TRRAP: variants seen among roughly 807,000 people sequenced by gnomAD.
The protein encoded by TRRAP is transformation/transcription domain associated protein.
Under a neutral mutation model 438.8 loss-of-function variants are expected in TRRAP, and 41 were observed. That is an observed-to-expected ratio of 0.09 (90% CI 0.07 to 0.12). The LOEUF is 0.12. Among genes scored for constraint, TRRAP ranks in the 10% least tolerant of loss-of-function variants. The pLI is 1.00. For missense variants in TRRAP, 3,122 were observed against 5,055.1 expected (o/e 0.62, Z 11.60); for synonymous variants, 1,994 against 1,962.9 (o/e 1.02, Z -0.42).
rs1554419915 is a variant in TRRAP at position 98,956,698 on chromosome 7, AG to A, written c.6231+169del. Among the ~76,000 whole-genome samples, 1 of 152,166 alleles carries A rather than the reference AG, an allele frequency of 6.6e-6. No homozygotes were observed. Among genetic ancestry groups the A allele is most frequent in the Non-Finnish European group, 1.5e-5 (1 of 68,024 alleles). On this transcript the variant is annotated intron_variant, in intron 43 of 72. Coordinates refer to ENST00000456197, the MANE Select transcript of TRRAP (RefSeq NM_001375524.1). This position sits in a 1 kb window ranked among gnomAD's most constrained non-coding sequence, Gnocchi z 4.5. ...AACTCCAGGACATGTCACTCATGCA[AG>A]GGGTTCCCAGGTCACCAGACATGCT...
In TRRAP at chr7:98,978,212, C is replaced by T; in HGVS notation, c.8387C>T (p.Ala2796Val). ...TTTAAAAACATTAACTTTTTTTAGG[C>T]ACAAGAATCCTATGAAAAGGCAATG... ...AYEQHGFFEQAQESYEKAMDK... is the reference protein window; with the variant it reads ...AYEQHGFFEQVQESYEKAMDK... The change falls in exon 57 of 73, where the codon GCA becomes GTA. Residue 2796 changes from alanine (A) to valine (V), a missense_variant and splice_region_variant. Coordinates refer to ENST00000456197, the MANE Select transcript of TRRAP (RefSeq NM_001375524.1). 1 of 1,610,384 alleles carries T rather than the reference C, an allele frequency of 6.2e-7. No individual in the cohort carries two copies. The highest frequency in any genetic ancestry group is 8.5e-7 in the Non-Finnish European group (1 of 1,178,450).
Position 99,012,417 on chromosome 7 carries a change from TACG to T in TRRAP, c.*65_*67del. ...CTCCGGGCTCTGAGCCCGCAGCTTT[TACG>T]ACTTCTCCCTGCCTCGTTCCTTATA... is the stretch of plus-strand genomic sequence containing the variant. On this transcript the variant is annotated 3_prime_UTR_variant, in exon 73 of 73. Transcript: ENST00000456197. This position sits in a 1 kb window ranked among gnomAD's most constrained non-coding sequence, Gnocchi z 5.9. 6.7e-7 allele frequency: 1 copy of T among 1,497,890 alleles called. No homozygotes were observed. 92.8% of individuals were successfully genotyped at this position (1,497,890 alleles called of 1,614,324 possible). A position where few individuals can be genotyped will look rare whatever the true frequency, so the allele number is the denominator to read the frequency against.
At chr7:98,901,439 A>G (rs1474014106) in intron 11 of TRRAP, among the ~76,000 whole-genome samples, 12 of 152,242 alleles carry the variant, frequency 7.9e-5, no homozygotes, top group African/African-American at 2.9e-4. Context: ...ATGCAGCTCA[A>G]TCCACAGCAG....
chr7:98,945,289 C>T (rs1554416525), intron 31 of TRRAP, among the ~76,000 whole-genome samples: 2 of 152,242 alleles, frequency 1.3e-5, no homozygotes, highest in Non-Finnish European at 1.5e-5. Flanking sequence ...GCTTACTTTA[C>T]ATGATAACCC....
Position 99,012,601 on chromosome 7 carries a change from AAAT to A in TRRAP, c.*250_*252del. The stretch of plus-strand genomic sequence containing the variant: ...AGCTGAAACTTATTCCAAGCTTTCA[AAAT>A]AATCTTTTAAGAAGCCAGGATTCTC... On this transcript the variant is annotated 3_prime_UTR_variant, in exon 73 of 73. Transcript: ENST00000456197. The surrounding 1 kb of genome is among the most constrained non-coding windows in gnomAD (Gnocchi z 5.9). 1.9e-6 allele frequency: 1 copy of A among 536,686 alleles called. No homozygotes were observed. The highest frequency in any genetic ancestry group is 3.2e-6 in the Non-Finnish European group (1 of 310,852). 33.2% of individuals were successfully genotyped at this position (536,686 alleles called of 1,614,324 possible).
chr7:98,927,880 G>A (rs1413329119), intron 23 of TRRAP, among the ~76,000 whole-genome samples: 1 of 152,158 alleles, frequency 6.6e-6, no homozygotes. Flanking sequence ...ACTCTTGGTG[G>A]TGAAGGGCCA....
At chr7:98,967,377 T>G (rs1562964032) in intron 50 of TRRAP, 108 bp from the exon 51 acceptor site, 2 of 1,384,546 alleles carry the variant, frequency 1.4e-6, no homozygotes, top group Non-Finnish European at 2.0e-6. Flanking sequence ...ACTCTTGGTT[T>G]TCATAGTGGC....
At chr7:98,903,350 A>G in intron 11 of TRRAP, 29 bp from the exon 12 acceptor site, 1 of 1,613,394 alleles carries the variant, frequency 6.2e-7, no homozygotes, top group Non-Finnish European at 8.5e-7. Context: ...CTATCCCTGT[A>G]ACTGTGTCAT....
chr7:98,916,955 C>T (rs2116443759), intron 19 of TRRAP, among the ~76,000 whole-genome samples: 1 of 152,252 alleles, frequency 6.6e-6, no homozygotes, highest in South Asian at 2.1e-4. Context: ...TTCTAGCCAG[C>T]CTCAGCTCTC....
Position 98,910,276 on chromosome 7 carries a change from T to G in TRRAP, c.1571T>G (p.Val524Gly), listed in dbSNP as rs1554408508. The G allele has an allele frequency of 7.8e-7, 1 of 1,284,950 alleles. No individual in the cohort carries two copies. Among genetic ancestry groups the G allele is most frequent in the African/African-American group, 2.0e-5 (1 of 50,850 alleles). 79.6% of individuals were successfully genotyped at this position (1,284,950 alleles called of 1,614,324 possible). A position where few individuals can be genotyped will look rare whatever the true frequency, so the allele number is the denominator to read the frequency against. The change falls in exon 15 of 73, where the codon GTG becomes GGG. Residue 524 changes from valine to glycine, a missense_variant. Val to Gly is a moderately radical substitution (Grantham distance 109). Transcript: ENST00000456197. The stretch of plus-strand genomic sequence containing the variant: ...GCCACCCCTGTGACCCCGGCCCCCG[T>G]GCCTCCCTTCGAGAAGCAAGGAGAA... ...PPATPVTPAP[V>G]PPFEKQGEKD...
Position 98,930,052 on chromosome 7 carries a change from A to C in TRRAP, c.3239A>C (p.Glu1080Ala), listed in dbSNP as rs1459626205. Residue 1080 changes from glutamate to alanine, a missense_variant, in exon 24 of 73, where the codon GAA becomes GCA. Physicochemically the swap from Glu to Ala is moderately radical, Grantham distance 107 (BLOSUM62 -1). This residue lies in a region of TRRAP where 54 missense variants were observed against 74.6 expected (regional missense o/e 0.72). Coordinates refer to ENST00000456197, the MANE Select transcript of TRRAP (RefSeq NM_001375524.1). ...SQPSTAMFHS[E>A]ENGSKGMDPL... is the part of the protein sequence containing the mutation. ...CCCAGCACAGCCATGTTTCACAGTG[A>C]AGAAAATGGCTCGAAAGGAATGGAT... The C allele has an allele frequency of 6.2e-7, 1 of 1,614,072 alleles. No individual in the cohort carries two copies. Among genetic ancestry groups the C allele is most frequent in the East Asian group, 2.2e-5 (1 of 44,892 alleles).
intron 14 of TRRAP, among the ~76,000 whole-genome samples, chr7:98,909,458 T>C (rs1554408180): frequency 6.6e-6 from 1 of 152,208 alleles, no homozygotes; most frequent in Non-Finnish European, 1.5e-5. Flanking sequence ...ATCTTTTCAC[T>C]TGGGGTGATG....
chr7:98,991,222 G>A (rs1266106968), intron 64 of TRRAP, among the ~76,000 whole-genome samples: 1 of 152,230 alleles, frequency 6.6e-6, no homozygotes, highest in Non-Finnish European at 1.5e-5. Context: ...GGAAGGACCA[G>A]AAACGGCGGA....
At chr7:98,935,012 G>A (rs1451895086) in intron 27 of TRRAP, among the ~76,000 whole-genome samples, 2 of 152,130 alleles carry the variant, frequency 1.3e-5, no homozygotes, top group Admixed American at 1.3e-4. Flanking sequence ...AATAGTGATA[G>A]AGCACGATAT....
intron 33 of TRRAP, among the ~76,000 whole-genome samples, chr7:98,947,665 A>G (rs1343676507): frequency 2.0e-5 from 3 of 152,186 alleles, no homozygotes; most frequent in Non-Finnish European, 4.4e-5. Context: ...CATGTTGGCC[A>G]GGCTGGTCTC....
In TRRAP at chr7:98,886,902, A is replaced by G. The variant is rs189488235; in HGVS notation, c.151-3433A>G. Among the ~76,000 whole-genome samples, 425 of 152,308 alleles carry G rather than the reference A, an allele frequency of 2.8e-3. 2 individuals carry two copies. Among genetic ancestry groups the G allele is most frequent in the African/African-American group, 9.8e-3 (407 of 41,572 alleles). On this transcript the variant is annotated intron_variant, in intron 3 of 72. Transcript: ENST00000456197. Reference sequence around the variant, plus strand: ...AGCTTGTTGAATGAATCTTCTTTTAATTATAAAAAATTTTTTTAGAGACAA... The same window carrying G: ...AGCTTGTTGAATGAATCTTCTTTTAGTTATAAAAAATTTTTTTAGAGACAA...
Position 99,008,500 on chromosome 7 carries a change from T to C in TRRAP, c.10877T>C (p.Ile3626Thr), listed in dbSNP as rs375472545. 6.2e-7 allele frequency: 1 copy of C among 1,614,130 alleles called. No homozygotes were observed. The highest frequency in any genetic ancestry group is 8.5e-7 in the Non-Finnish European group (1 of 1,180,032). Residue 3626 changes from isoleucine (I) to threonine (T), a missense_variant, in exon 70 of 73, where the codon ATC becomes ACC. Around this residue, in one of 24 missense-constraint regions of TRRAP, gnomAD observed 192 missense variants for 355.6 expected, o/e 0.54. Transcript: ENST00000456197. ...AAGGGCATCGAGCATGACAACCCCA[T>C]CTCCCGTTACTATGACCGGCTGGCT... is the stretch of plus-strand genomic sequence containing the variant. ...AKKGIEHDNP[I>T]SRYYDRLATV...
intron 52 of TRRAP, among the ~76,000 whole-genome samples, chr7:98,971,293 C>T (rs1422772646): frequency 6.6e-6 from 1 of 152,172 alleles, no homozygotes; most frequent in Non-Finnish European, 1.5e-5. Context: ...ATTGTCGATA[C>T]CTGACTTCAA....
chr7:98,889,726 A>C (rs1014678428), intron 3 of TRRAP, among the ~76,000 whole-genome samples: 1 of 151,760 alleles, frequency 6.6e-6, no homozygotes, highest in African/African-American at 2.4e-5. Context: ...CTTTTTAAAA[A>C]AAATTTTTTG....
Sources: allele counts gnomAD v4.1 joint callset (sites outside exome capture counted in the v4.1 genomes callset), GRCh38; gene constraint gnomAD v4.1.1; regional missense constraint gnomAD v4.1.1; non-coding constraint Gnocchi (gnomAD v3.1); transcripts MANE v1.5; gene names NCBI Gene and HGNC (gene_info 2026-07-23, HGNC 2026-07-21).